ITSN1: variants seen among roughly 807,000 people sequenced by gnomAD.
ITSN1 encodes the protein intersectin 1.
In ITSN1, 58 loss-of-function variants were observed where a neutral mutation model predicts 239.8. The ratio of observed to expected loss-of-function variants is 0.24; its 90% CI spans 0.20 to 0.30. ITSN1 has a LOEUF of 0.30. Ranked by LOEUF, ITSN1 falls within the 10% of genes least tolerant of loss-of-function variation. ITSN1 has a pLI of 1.00. For synonymous variants in ITSN1, 780 were observed against 770.8 expected (o/e 1.01, Z -0.20); for missense variants, 1,558 against 2,103.3 (o/e 0.74, Z 5.07).
intron 2 of ITSN1, among the ~76,000 whole-genome samples, chr21:33,720,193 G>A (rs575071130): frequency 2.7e-4 from 41 of 152,254 alleles, no homozygotes; most frequent in Non-Finnish European, 4.6e-4. Context: ...TTGGACACCC[G>A]TTCATCCCCA....
intron 14 of ITSN1, 30 bp downstream of exon 14, chr21:33,775,138 A>G (rs774705562): frequency 2.5e-6 from 4 of 1,588,064 alleles, no homozygotes; most frequent in Non-Finnish European, 3.4e-6. Context: ...AAAAGCTATT[A>G]TATTAAACTG....
In ITSN1 at chr21:33,705,844, A is replaced by G. The variant is rs112477271; in HGVS notation, c.-32-12953A>G. On this transcript the variant is annotated intron_variant, in intron 1 of 39. Coordinates refer to ENST00000381318, the MANE Select transcript of ITSN1 (RefSeq NM_003024.3). The stretch of plus-strand genomic sequence containing the variant: ...GGAGGTACTGAAGTTCATTTCTCCT[A>G]TCATTCTAAATTGATGTTTCATTTT... 3.1e-3 allele frequency among the ~76,000 whole-genome samples: 468 copies of G among 152,318 alleles called. 1 individual carries two copies. The highest frequency in any genetic ancestry group is 5.4e-3 in the Non-Finnish European group (368 of 68,020).
chr21:33,879,805 G>C (rs1429472992), intron 34 of ITSN1, among the ~76,000 whole-genome samples: 1 of 152,082 alleles, frequency 6.6e-6, no homozygotes, highest in South Asian at 2.1e-4. Flanking sequence ...TCAGCTTCCC[G>C]AGTAGCTGGA....
intron 5 of ITSN1, among the ~76,000 whole-genome samples, chr21:33,744,295 T>A (rs1164413978): frequency 3.3e-5 from 5 of 152,366 alleles, no homozygotes; most frequent in Non-Finnish European, 7.3e-5. Context: ...TCATTTTCTA[T>A]ACCTTTGAAA....
intron 5 of ITSN1, chr21:33,735,455 T>G (rs745831876): frequency 2.1e-6 from 1 of 478,562 alleles, no homozygotes. Context: ...AGGAAGAAAC[T>G]TACAGTCCGC....
chr21:33,833,325 C>G (rs2074402234), intron 27 of ITSN1, among the ~76,000 whole-genome samples: 1 of 152,046 alleles, frequency 6.6e-6, no homozygotes, highest in African/African-American at 2.4e-5. Flanking sequence ...ATCACATGGG[C>G]CTACGGGTTT....
At chr21:33,832,198 G>T (rs867537919) in intron 27 of ITSN1, among the ~76,000 whole-genome samples, 2 of 152,258 alleles carry the variant, frequency 1.3e-5, no homozygotes, top group Middle Eastern at 3.4e-3. Context: ...TTTCTCACCA[G>T]CGGCCAACCA....
intron 4 of ITSN1, among the ~76,000 whole-genome samples, chr21:33,733,782 A>C (rs190941051): frequency 6.6e-6 from 1 of 152,312 alleles, no homozygotes; most frequent in African/African-American, 2.4e-5. Context: ...CCATGACTAC[A>C]GGAGAATGGG....
chr21:33,732,084 A>T (rs1231759630), intron 4 of ITSN1, among the ~76,000 whole-genome samples: 1 of 152,238 alleles, frequency 6.6e-6, no homozygotes, highest in East Asian at 1.9e-4. Flanking sequence ...TTGGCATTTC[A>T]TTGAAAGAGT....
intron 15 of ITSN1, 108 bp from the exon 16 acceptor site, chr21:33,781,886 A>G: frequency 8.7e-7 from 1 of 1,153,550 alleles, no homozygotes; most frequent in Non-Finnish European, 1.2e-6. Flanking sequence ...GCCTTTTCTT[A>G]TTTTTTAACC....
intron 1 of ITSN1, among the ~76,000 whole-genome samples, chr21:33,696,732 AT>A (rs2091811444): frequency 1.3e-5 from 2 of 152,196 alleles, no homozygotes; most frequent in South Asian, 4.2e-4. Flanking sequence ...TTTCGGTGTT[AT>A]GGTGTTATTT....
chr21:33,650,981 G>A (rs1022880813), intron 1 of ITSN1, among the ~76,000 whole-genome samples: 3 of 152,242 alleles, frequency 2.0e-5, no homozygotes, highest in Non-Finnish European at 4.4e-5. Flanking sequence ...GAAGAAACTT[G>A]GTAGCGGGGT....
At chr21:33,676,025 TC>T in intron 1 of ITSN1, among the ~76,000 whole-genome samples, 1 of 152,152 alleles carries the variant, frequency 6.6e-6, no homozygotes, top group South Asian at 2.1e-4. Flanking sequence ...ACTATGATTT[TC>T]CTTTTTTTTG....
At chr21:33,884,802 C>T (rs1444104131) in intron 36 of ITSN1, among the ~76,000 whole-genome samples, 3 of 152,180 alleles carry the variant, frequency 2.0e-5, no homozygotes, top group Non-Finnish European at 4.4e-5. Flanking sequence ...AGATTTTCTT[C>T]CCCGGGGACA....
intron 30 of ITSN1, among the ~76,000 whole-genome samples, chr21:33,857,669 G>T (rs1323567082): frequency 6.6e-6 from 1 of 152,210 alleles, no homozygotes; most frequent in Non-Finnish European, 1.5e-5. Flanking sequence ...GTTGTTAGCT[G>T]CAGGACCACC....
intron 5 of ITSN1, among the ~76,000 whole-genome samples, chr21:33,742,742 G>A (rs2066941044): frequency 6.6e-6 from 1 of 152,178 alleles, no homozygotes; most frequent in South Asian, 2.1e-4. Context: ...GGATACAAAG[G>A]AAAGAGATGG....
rs1364085944 is a variant in ITSN1 at position 33,821,130 on chromosome 21, AAAGTATGAGCATCCTCATCCAATAGCAGT to A, written c.3016+1809_3016+1837del. On this transcript the variant is annotated intron_variant, in intron 24 of 39. Coordinates refer to ENST00000381318, the MANE Select transcript of ITSN1 (RefSeq NM_003024.3). Reference sequence around the variant, plus strand: ...CCCTGGATTAGTGATAAAGCCACATAAAGTATGAGCATCCTCATCCAATAGCAGTATGGAGGAGTGTTTGTTTGTTTTGA... The same window carrying A: ...CCCTGGATTAGTGATAAAGCCACATAATGGAGGAGTGTTTGTTTGTTTTGA... Among the ~76,000 whole-genome samples the A allele has an allele frequency of 4.6e-5, 7 of 152,228 alleles. No homozygotes were observed. In the East Asian group the frequency reaches 1.3e-3, roughly 29 times the overall value.
At chr21:33,681,010 G>C (rs879633540) in intron 1 of ITSN1, among the ~76,000 whole-genome samples, 1 of 152,152 alleles carries the variant, frequency 6.6e-6, no homozygotes, top group Non-Finnish European at 1.5e-5. Flanking sequence ...GGCTCTTTGT[G>C]GGCTTCATGC....
chr21:33,804,268 T>G lies in ITSN1; in HGVS notation c.2319+1824T>G, dbSNP rs116977718. Among the ~76,000 whole-genome samples, 5 of 152,326 alleles carry G rather than the reference T, an allele frequency of 3.3e-5. No individual in the cohort carries two copies. The East Asian group carries it at 9.6e-4, about 29-fold the overall frequency. On this transcript the variant is annotated intron_variant, in intron 20 of 39. Coordinates refer to ENST00000381318, the MANE Select transcript of ITSN1 (RefSeq NM_003024.3). ...CAGTCTTAGCCTTAAAAATATTTTG[T>G]TTTTAGAAAAACTTAGCCTGGTTTT... is the stretch of plus-strand genomic sequence containing the variant.
Sources: allele counts gnomAD v4.1 joint callset (sites outside exome capture counted in the v4.1 genomes callset), GRCh38; gene constraint gnomAD v4.1.1; transcripts MANE v1.5; gene names NCBI Gene and HGNC (gene_info 2026-07-23, HGNC 2026-07-21).